SLC40A1: variants seen among roughly 807,000 people sequenced by gnomAD.
The protein encoded by SLC40A1 is solute carrier family 40 member 1, also known as ferroportin.
SLC40A1 carries 16 observed loss-of-function variants against 53.5 expected under a neutral mutation model. That is an observed-to-expected ratio of 0.30 (90% confidence interval 0.20 to 0.45). SLC40A1 has a LOEUF of 0.45. Among genes scored for constraint, SLC40A1 ranks in the 20% least tolerant of loss-of-function variants. SLC40A1 has a pLI of 1.00. For synonymous variants in SLC40A1, 247 were observed against 253.2 expected, an observed-to-expected ratio of 0.98 and a Z score of 0.23; for missense variants, 545 against 695.4, an observed-to-expected ratio of 0.78 and a Z score of 2.43.
intron 2 of SLC40A1, among the ~76,000 whole-genome samples, chr2:189,576,495 C>G (rs2031289165): frequency 6.6e-6 from 1 of 152,178 alleles, no homozygotes; most frequent in Non-Finnish European, 1.5e-5. Context: ...ACCAGTAGTT[C>G]TCAACTAGAG....
Position 189,567,300 on chromosome 2 carries a change from T to C in SLC40A1, c.515-1701A>G, listed in dbSNP as rs980055991. Among the ~76,000 whole-genome samples, 18 of 152,176 alleles carry C rather than the reference T, an allele frequency of 1.2e-4. 1 individual carries two copies. The South Asian group carries it at 3.7e-3, about 32-fold the overall frequency. On this transcript the variant is annotated intron_variant, in intron 5 of 7. Transcript: ENST00000261024. The stretch of plus-strand genomic sequence containing the variant: ...AGAGAATTTAGTGGTGATAACAAAG[T>C]CTAGAGTTTGACTACGGGAATGTAT...
intron 3 of SLC40A1, among the ~76,000 whole-genome samples, chr2:189,573,673 T>G (rs1365155672): frequency 1.3e-5 from 2 of 152,212 alleles, no homozygotes; most frequent in Non-Finnish European, 2.9e-5. Flanking sequence ...AAGGTGAGAA[T>G]GGTAATACCT....
intron 5 of SLC40A1, among the ~76,000 whole-genome samples, chr2:189,571,345 A>T (rs1299266096): frequency 6.6e-6 from 1 of 152,258 alleles, no homozygotes; most frequent in East Asian, 1.9e-4. Flanking sequence ...ATGATTGATA[A>T]GCACCAGTAA....
chr2:189,580,503 T>C lies in SLC40A1; in HGVS notation c.-43A>G. On this transcript the variant is annotated 5_prime_UTR_variant, in exon 1 of 8. Transcript: ENST00000261024. ...CTGGCTCTTCTGCGGCTGCTATCGCTGCTGCTGCTCTCGCTGAGGTGCTTG... is the reference window on the plus strand; with the variant it reads ...CTGGCTCTTCTGCGGCTGCTATCGCCGCTGCTGCTCTCGCTGAGGTGCTTG... 1.2e-6 allele frequency: 2 copies of C among 1,611,428 alleles called. No homozygotes were observed. The highest frequency in any genetic ancestry group is 1.7e-6 in the Non-Finnish European group (2 of 1,179,396).
intron 4 of SLC40A1, among the ~76,000 whole-genome samples, chr2:189,572,134 C>T (rs975068466): frequency 6.6e-6 from 1 of 152,082 alleles, no homozygotes; most frequent in African/African-American, 2.4e-5. Flanking sequence ...TGGTTTTGAA[C>T]ATTTCTCCCA....
intron 5 of SLC40A1, among the ~76,000 whole-genome samples, chr2:189,570,987 G>A (rs2105627327): frequency 6.6e-6 from 1 of 152,238 alleles, no homozygotes; most frequent in East Asian, 1.9e-4. Context: ...TCCAATTTGT[G>A]TCAATCCAAA....
chr2:189,564,610 G>A (rs1265420650), intron 6 of SLC40A1, among the ~76,000 whole-genome samples: 1 of 152,132 alleles, frequency 6.6e-6, no homozygotes, highest in African/African-American at 2.4e-5. Context: ...GGAGGCCGAG[G>A]CGGGCAGATC....
At chr2:189,570,195 G>T (rs1327348301) in intron 5 of SLC40A1, among the ~76,000 whole-genome samples, 2 of 151,518 alleles carry the variant, frequency 1.3e-5, no homozygotes, top group African/African-American at 4.8e-5. Flanking sequence ...TTCAGACTTT[G>T]CAGAGTCAAA....
rs28567466 is a variant in SLC40A1, at chr2:189,570,120, A to G, written c.514+1595T>C. On this transcript the variant is annotated intron_variant, in intron 5 of 7. Transcript: ENST00000261024. Reference sequence around the variant, plus strand: ...TGTGTATATATATATGTGTATATATATGTGTGTGTGTATATATATATCTTA... The same window carrying G: ...TGTGTATATATATATGTGTATATATGTGTGTGTGTGTATATATATATCTTA... Among the ~76,000 whole-genome samples the G allele has an allele frequency of 1.7e-3, 252 of 151,190 alleles. 3 individuals carry two copies. The highest frequency in any genetic ancestry group is 0.014 in the South Asian group (68 of 4,818).
intron 3 of SLC40A1, among the ~76,000 whole-genome samples, chr2:189,573,576 TAA>T (rs894312355): frequency 6.6e-6 from 1 of 152,176 alleles, no homozygotes; most frequent in African/African-American, 2.4e-5. Flanking sequence ...TAAGGACAGA[TAA>T]AGACACCTGG....
In SLC40A1 at chr2:189,564,043, C is replaced by G; in HGVS notation, c.943G>C (p.Ala315Pro). Residue 315 changes from alanine (A) to proline (P), a missense_variant, in exon 7 of 8, where the codon GCT (alanine) becomes CCT (proline). This residue lies in a region of SLC40A1 where 7 missense variants were observed against 26.7 expected (regional missense o/e 0.26). Coordinates refer to ENST00000261024, the MANE Select transcript of SLC40A1 (RefSeq NM_014585.6). ...CCCAGGACAGTCATATAAAGGAAAG[C>G]AAGACCCATGCCAGCCAGAAACACA... The part of the protein sequence containing the change: ...QPVFLAGMGL[A>P]FLYMTVLGFD... 6.2e-7 allele frequency: 1 copy of G among 1,613,286 alleles called. No homozygotes were observed. The highest frequency in any genetic ancestry group is 8.5e-7 in the Non-Finnish European group (1 of 1,179,326).
At position 189,565,354 on chromosome 2, in the gene SLC40A1, CT is replaced by C; in HGVS notation, c.759del (p.Asp254IlefsTer12). 1 of 1,614,210 alleles carries C rather than the reference CT, an allele frequency of 6.2e-7. No homozygotes were observed. On this transcript the variant is annotated frameshift_variant and splice_region_variant, in exon 6 of 8. Transcript: ENST00000261024. LOFTEE classifies it high-confidence loss of function. ...GGAGAGATCATTGTGTTCAGTTTACCTTTGTGTAAATTCAGCTGTTTCAATT... is the reference window on the plus strand; with the variant it reads ...GGAGAGATCATTGTGTTCAGTTTACCTTGTGTAAATTCAGCTGTTTCAATT... ...ETELKQLNLH[K>X]DTEPKPLEGT...
chr2:189,572,250 G>A (rs576754055), intron 4 of SLC40A1, among the ~76,000 whole-genome samples: 89 of 152,234 alleles, frequency 5.8e-4, no homozygotes, highest in African/African-American at 1.5e-3. Context: ...ATCAACTAAC[G>A]TTCACTTTGT....
chr2:189,561,684 C>T lies in SLC40A1; in HGVS notation c.*194G>A. 3.5e-6 allele frequency: 2 copies of T among 576,026 alleles called. No individual in the cohort carries two copies. The highest frequency in any genetic ancestry group is 6.1e-6 in the Non-Finnish European group (2 of 325,774). The allele number at this position is 576,026 out of a possible 1,614,324, so 35.7% of individuals were successfully genotyped here. On this transcript the variant is annotated 3_prime_UTR_variant, in exon 8 of 8. Transcript: ENST00000261024. Reference sequence around the variant, plus strand: ...GAGTTTTTCTTTTCCAATTTTTTTTCCATGCCTCAACATAAGGGAAATTAA... The same window carrying T: ...GAGTTTTTCTTTTCCAATTTTTTTTTCATGCCTCAACATAAGGGAAATTAA...
Position 189,563,713 on chromosome 2 carries a change from C to T in SLC40A1, c.1273G>A (p.Glu425Lys), listed in dbSNP as rs759487851. The T allele has an allele frequency of 1.9e-6, 3 of 1,614,136 alleles. No homozygotes were observed. Among genetic ancestry groups the T allele is most frequent in the South Asian group, 2.2e-5 (2 of 91,074 alleles). ...GACATGTATATTTCAGTTGTAATTT[C>T]AGGTATCTTGGTAGGTGTAATTGAC... The part of the protein sequence containing the change: ...GESITPTKIP[E>K]ITTEIYMSNG... The change falls in exon 7 of 8, where the codon GAA (glutamate) becomes AAA (lysine). Residue 425 changes from glutamate (E) to lysine (K), a missense_variant. By Grantham distance (56) the Glu-to-Lys change is moderately conservative. Coordinates refer to ENST00000261024, the MANE Select transcript of SLC40A1 (RefSeq NM_014585.6).
chr2:189,564,247 A>G, intron 6 of SLC40A1, 22 bp from the exon 7 acceptor site: 1 of 1,609,686 alleles, frequency 6.2e-7, no homozygotes, highest in Non-Finnish European at 8.5e-7. Context: ...AGATACCATT[A>G]TTTTGTTGGG....
At chr2:189,564,955 G>A (rs887269883) in intron 6 of SLC40A1, among the ~76,000 whole-genome samples, 1 of 152,182 alleles carries the variant, frequency 6.6e-6, no homozygotes, top group Non-Finnish European at 1.5e-5. Flanking sequence ...CCATCTTTGT[G>A]TCCTCACTCC....
chr2:189,567,212 T>A (rs1049583891), intron 5 of SLC40A1, among the ~76,000 whole-genome samples: 1 of 152,068 alleles, frequency 6.6e-6, no homozygotes, highest in African/African-American at 2.4e-5. Context: ...AGTGAAGAAG[T>A]TGGTGGAAAG....
chr2:189,578,312 T>C, intron 2 of SLC40A1: 3 of 1,002,478 alleles, frequency 3.0e-6, no homozygotes, highest in Non-Finnish European at 1.2e-6. Flanking sequence ...CTGCTGTTTG[T>C]TTAATCCAAC....
Sources: allele counts gnomAD v4.1 joint callset (sites outside exome capture counted in the v4.1 genomes callset), GRCh38; gene constraint gnomAD v4.1.1; regional missense constraint gnomAD v4.1.1; transcripts MANE v1.5; gene names NCBI Gene and HGNC (gene_info 2026-07-23, HGNC 2026-07-21).